The following PCDHA6 variants were observed in gnomAD, a reference collection of about 807,000 sequenced individuals.
The protein encoded by PCDHA6 is protocadherin alpha 6.
In PCDHA6, 55 loss-of-function variants were observed where a neutral mutation model predicts 60.3. The observed-to-expected ratio is 0.91, with a 90% confidence interval of 0.73 to 1.14. PCDHA6 has a LOEUF of 1.14. Among genes scored for constraint, PCDHA6 ranks in the 50% most tolerant of loss-of-function variants. The pLI is 0.00. For missense variants in PCDHA6, 1,327 were observed against 1,256.5 expected, an observed-to-expected ratio of 1.06 and a Z score of -0.85; for synonymous variants, 652 against 557.9, an observed-to-expected ratio of 1.17 and a Z score of -2.38.
At chr5:140,900,295 TTTA>T (rs1335445889) in intron 1 of PCDHA6, among the ~76,000 whole-genome samples, 3 of 152,152 alleles carry the variant, frequency 2.0e-5, no homozygotes, top group Non-Finnish European at 4.4e-5. Context: ...TTTCTGTTTT[TTTA>T]GACAGTCTCA....
intron 3 of PCDHA6, among the ~76,000 whole-genome samples, chr5:140,997,635 A>C (rs1317325954): frequency 6.6e-6 from 1 of 151,942 alleles, no homozygotes; most frequent in Non-Finnish European, 1.5e-5. Context: ...CAAAAAGCAA[A>C]ATGGGATAAT....
chr5:140,994,732 G>T (rs1159331502), intron 3 of PCDHA6, among the ~76,000 whole-genome samples: 3 of 152,114 alleles, frequency 2.0e-5, no homozygotes, highest in Non-Finnish European at 4.4e-5. Flanking sequence ...ACTGGGTATT[G>T]CAGGATGGCA....
At chr5:140,875,262 C>A in intron 1 of PCDHA6, 1 of 1,157,366 alleles carries the variant, frequency 8.6e-7, no homozygotes, top group African/African-American at 1.6e-5. Flanking sequence ...CATGATGTCG[C>A]TCTACACTCA....
rs1554169514 is a variant in PCDHA6, at chr5:140,877,250, A to C, written c.2394+46765A>C. On this transcript the variant is annotated intron_variant, in intron 1 of 3. Transcript: ENST00000529310. Reference sequence around the variant, plus strand: ...GTGGGTGCGGGCCACGTGGTGGCGAAAGTGCGCGCGGTGGACGCTGACTCC... The same window carrying C: ...GTGGGTGCGGGCCACGTGGTGGCGACAGTGCGCGCGGTGGACGCTGACTCC... 1.9e-6 allele frequency: 3 copies of C among 1,613,668 alleles called. No homozygotes were observed. In the African/African-American group the frequency reaches 4.0e-5, roughly 22 times the overall value.
chr5:140,835,883 C>A, intron 1 of PCDHA6: 4 of 1,611,944 alleles, frequency 2.5e-6, no homozygotes, highest in Non-Finnish European at 3.4e-6. Flanking sequence ...TGCGGGTGGG[C>A]GAGCGCGCGC....
chr5:140,953,099 G>A lies in PCDHA6; in HGVS notation c.2395-25850G>A, dbSNP rs1554220803. On this transcript the variant is annotated intron_variant, in intron 1 of 3. Transcript: ENST00000529310. ...CATTGGGGATTACAATTTGACATGA[G>A]ATTTGGGCAGGGACACAGATCTAAA... Among the ~76,000 whole-genome samples, 7 of 152,256 alleles carry A rather than the reference G, an allele frequency of 4.6e-5. 1 individual carries two copies. Among genetic ancestry groups the A allele is most frequent in the South Asian group, 2.1e-4 (1 of 4,828 alleles).
intron 1 of PCDHA6, among the ~76,000 whole-genome samples, chr5:140,917,329 GA>G (rs1467900886): frequency 0.012 from 1,654 of 143,658 alleles, 142 homozygotes; most frequent in African/African-American, 0.032. Context: ...TGTGGCGGGG[GA>G]GGGGGGGGAT....
At chr5:140,852,715 C>T in intron 1 of PCDHA6, 1 of 981,378 alleles carries the variant, frequency 1.0e-6, no homozygotes, top group Non-Finnish European at 1.2e-6. Context: ...TTTGTCTTTG[C>T]ACGTTTTTCA....
Position 140,829,999 on chromosome 5 carries a change from C to G in PCDHA6, c.1908C>G (p.Val636=). 6.2e-7 allele frequency: 1 copy of G among 1,613,998 alleles called. No individual in the cohort carries two copies. The highest frequency in any genetic ancestry group is 8.5e-7 in the Non-Finnish European group (1 of 1,179,932). Residue 636 remains valine, a synonymous_variant, in exon 1 of 4, where the codon GTC becomes GTG. Coordinates refer to ENST00000529310, the MANE Select transcript of PCDHA6 (RefSeq NM_018909.4). ...CGGGCGAGATCAGCACCACTCGTGTCCTGGACGAAGCGGACTCTCCGCGCC... is the reference window on the plus strand; with the variant it reads ...CGGGCGAGATCAGCACCACTCGTGTGCTGGACGAAGCGGACTCTCCGCGCC... ...LYTGEISTTR[V]LDEADSPRHR... is the part of the protein sequence containing the mutation.
chr5:140,988,411 A>T (rs2097296392), intron 3 of PCDHA6, among the ~76,000 whole-genome samples: 1 of 152,144 alleles, frequency 6.6e-6, no homozygotes, highest in Non-Finnish European at 1.5e-5. Flanking sequence ...TTCGCAGCTT[A>T]TGTAAAGAAT....
intron 1 of PCDHA6, chr5:140,843,336 G>A (rs2150357721): frequency 6.3e-7 from 1 of 1,596,074 alleles, no homozygotes; most frequent in South Asian, 1.1e-5. Context: ...CTGGTGGAGA[G>A]CGGCCAGGCT....
chr5:140,869,517 A>AT, intron 1 of PCDHA6: 1 of 1,614,200 alleles, frequency 6.2e-7, no homozygotes, highest in East Asian at 2.2e-5. Flanking sequence ...TCAGAGAACA[A>AT]AAGCTGCTGA....
At chr5:141,000,547 A>T (rs2097946124) in intron 3 of PCDHA6, among the ~76,000 whole-genome samples, 1 of 147,246 alleles carries the variant, frequency 6.8e-6, no homozygotes, top group Non-Finnish European at 1.5e-5. Context: ...CATGCCTCAA[A>T]CTCCCGAGTA....
chr5:140,877,236 C>T, intron 1 of PCDHA6: 8 of 1,613,686 alleles, frequency 5.0e-6, no homozygotes, highest in Non-Finnish European at 6.8e-6. Context: ...TGGGTGCGGG[C>T]CACGTGGTGG....
chr5:140,857,464 C>T lies in PCDHA6; in HGVS notation c.2394+26979C>T. On this transcript the variant is annotated intron_variant, in intron 1 of 3. Transcript: ENST00000529310. ...AGGAGAACAACCCGCCAGGCTGCCACATCTTCACGGTGTCTGCGTGGGACG... is the reference window on the plus strand; with the variant it reads ...AGGAGAACAACCCGCCAGGCTGCCATATCTTCACGGTGTCTGCGTGGGACG... 1.9e-6 allele frequency: 3 copies of T among 1,598,642 alleles called. 1 individual carries two copies. The South Asian group carries it at 3.3e-5, about 18-fold the overall frequency.
rs1347683940 is a variant in PCDHA6 at position 140,847,266 on chromosome 5, A to C, written c.2394+16781A>C. ...CAAAATAAATCACGACTTTTGAAAG[A>C]AGGTTGAACGGGAAGACAAACTCAG... is the stretch of plus-strand genomic sequence containing the variant. On this transcript the variant is annotated intron_variant, in intron 1 of 3. Coordinates refer to ENST00000529310, the MANE Select transcript of PCDHA6 (RefSeq NM_018909.4). Among the ~76,000 whole-genome samples the C allele has an allele frequency of 6.0e-5, 9 of 149,874 alleles. 2 individuals carry two copies. Among genetic ancestry groups the C allele is most frequent in the African/African-American group, 2.2e-4 (9 of 40,946 alleles).
intron 1 of PCDHA6, chr5:140,967,575 C>T: frequency 6.2e-7 from 1 of 1,614,156 alleles, no homozygotes. Context: ...CGGGAGGACT[C>T]ACCCCCAGGC....
chr5:140,830,775 AT>A (rs1201175908), intron 1 of PCDHA6: 4 of 167,194 alleles, frequency 2.4e-5, no homozygotes, highest in East Asian at 1.6e-4. Context: ...TCATAGTAGC[AT>A]TTTTTTCTGA....
chr5:140,901,767 T>C (rs1341707404), intron 1 of PCDHA6, among the ~76,000 whole-genome samples: 5 of 152,252 alleles, frequency 3.3e-5, no homozygotes, highest in African/African-American at 1.2e-4. Flanking sequence ...AGGGATTGCA[T>C]TGAATTTGTA....
Sources: allele counts gnomAD v4.1 joint callset (sites outside exome capture counted in the v4.1 genomes callset), GRCh38; gene constraint gnomAD v4.1.1; transcripts MANE v1.5; gene names NCBI Gene and HGNC (gene_info 2026-07-23, HGNC 2026-07-21).